Variants in ZBTB20 observed in about 807,000 individuals in gnomAD.
ZBTB20 encodes zinc finger and BTB domain-containing protein 20.
ZBTB20 carries 9 observed loss-of-function variants against 56.9 expected under a neutral mutation model. That is an observed-to-expected ratio of 0.16 (90% confidence interval 0.10 to 0.28). ZBTB20 has a LOEUF of 0.28. Among genes scored for constraint, ZBTB20 ranks in the 10% least tolerant of loss-of-function variants. The probability of loss-of-function intolerance (pLI) is 1.00; values close to 1 mark genes in which losing one functional copy is unlikely to be tolerated. For missense variants in ZBTB20, 655 were observed against 1,003.0 expected (o/e 0.65, Z 4.69); for synonymous variants, 417 against 420.7 (o/e 0.99, Z 0.11).
chr3:114,381,135 G>A (rs575470081), intron 8 of ZBTB20, among the ~76,000 whole-genome samples, 195 bp from the exon 9 acceptor site: 1 of 152,296 alleles, frequency 6.6e-6, no homozygotes, highest in South Asian at 2.1e-4. Flanking sequence ...TTCTGTTAGA[G>A]TAGCAAGTGA....
At chr3:115,074,090 CTAAT>C (rs1240652823) in intron 1 of ZBTB20, among the ~76,000 whole-genome samples, 1 of 152,026 alleles carries the variant, frequency 6.6e-6, no homozygotes, top group South Asian at 2.1e-4. Flanking sequence ...CCTAAATAAT[CTAAT>C]TATTTTCAGC....
intron 2 of ZBTB20, among the ~76,000 whole-genome samples, chr3:114,997,989 TA>T (rs1328133289): frequency 6.6e-6 from 1 of 151,928 alleles, no homozygotes; most frequent in African/African-American, 2.4e-5. Context: ...TGAAATCATT[TA>T]TTTTTTTAGG....
At chr3:115,058,565 C>T (rs142078717) in intron 2 of ZBTB20, among the ~76,000 whole-genome samples, 13,463 of 152,114 alleles carry the variant, frequency 0.089, 1,737 homozygotes, top group African/African-American at 0.28. Context: ...CCTGTCTCTA[C>T]TAGAAATACA....
chr3:114,489,214 C>A (rs542919169), intron 7 of ZBTB20, among the ~76,000 whole-genome samples: 1 of 152,038 alleles, frequency 6.6e-6, no homozygotes, highest in African/African-American at 2.4e-5. Flanking sequence ...AAGAACTTAC[C>A]TAAAACCTGC....
chr3:114,519,959 G>A (rs1183949110), intron 6 of ZBTB20: 2 of 151,944 alleles, frequency 1.3e-5, no homozygotes, highest in Non-Finnish European at 2.9e-5. Flanking sequence ...AACCTACTGA[G>A]GTTATAGGGG....
chr3:115,129,969 C>T (rs2084454913), intron 1 of ZBTB20, among the ~76,000 whole-genome samples: 2 of 149,048 alleles, frequency 1.3e-5, no homozygotes, highest in Admixed American at 1.3e-4. Context: ...TAATATCACA[C>T]ACACAGCTTC....
chr3:114,424,648 G>A (rs2733411), intron 7 of ZBTB20, among the ~76,000 whole-genome samples: 138,740 of 152,240 alleles, frequency 0.91, 64,625 homozygotes, highest in East Asian at 1. Context: ...CCCGTTTAAC[G>A]TGTCACAATT....
chr3:114,556,745 C>T lies in ZBTB20; in HGVS notation c.-294-56354G>A, dbSNP rs149288124. Among the ~76,000 whole-genome samples, 481 of 152,040 alleles carry T rather than the reference C, an allele frequency of 3.2e-3. 3 individuals are homozygous for T. Among genetic ancestry groups the T allele is most frequent in the African/African-American group, 0.011 (457 of 41,534 alleles). On this transcript the variant is annotated intron_variant, in intron 6 of 11. Transcript: ENST00000675478. ...ACAATATTCTGATTATTAGTATCTCCAAAGATGGGACTTAAGACACTTTCC... is the reference window on the plus strand; with the variant it reads ...ACAATATTCTGATTATTAGTATCTCTAAAGATGGGACTTAAGACACTTTCC...
At chr3:114,851,582 G>T (rs1258312508) in intron 4 of ZBTB20, among the ~76,000 whole-genome samples, 1 of 151,666 alleles carries the variant, frequency 6.6e-6, no homozygotes, top group Non-Finnish European at 1.5e-5. Context: ...TGTGATATTG[G>T]TTTGTTTATT....
intron 6 of ZBTB20, among the ~76,000 whole-genome samples, chr3:114,677,586 A>G (rs2061703614): frequency 6.6e-6 from 1 of 152,164 alleles, no homozygotes; most frequent in African/African-American, 2.4e-5. Flanking sequence ...GTCCATGGAA[A>G]CATTGTCTTC....
intron 6 of ZBTB20, among the ~76,000 whole-genome samples, chr3:114,501,771 C>T (rs983099857): frequency 2.1e-5 from 3 of 145,022 alleles, no homozygotes; most frequent in Non-Finnish European, 3.0e-5. Context: ...TGCAGTGGCA[C>T]GATCTTGGCT....
At chr3:114,438,420 A>AAC (rs1421153821) in intron 7 of ZBTB20, among the ~76,000 whole-genome samples, 3 of 123,070 alleles carry the variant, frequency 2.4e-5, no homozygotes, top group African/African-American at 9.1e-5. Context: ...CCTTGCCAAA[A>AAC]AAAAACAAAA....
intron 6 of ZBTB20, among the ~76,000 whole-genome samples, chr3:114,636,417 T>C (rs2059275492): frequency 6.6e-6 from 1 of 152,100 alleles, no homozygotes. Flanking sequence ...TGATAGTGTG[T>C]AAATCACTTT....
At chr3:114,935,316 T>C (rs374655323) in intron 3 of ZBTB20, among the ~76,000 whole-genome samples, 3 of 152,274 alleles carry the variant, frequency 2.0e-5, no homozygotes, top group East Asian at 1.9e-4. Context: ...TTCCCCACCA[T>C]GTTACCTTTA....
intron 4 of ZBTB20, among the ~76,000 whole-genome samples, chr3:114,811,979 A>G (rs2072555623): frequency 6.6e-6 from 1 of 151,778 alleles, no homozygotes. Context: ...TGATGTTCGG[A>G]TGTGTTCGGA....
At chr3:114,408,568 T>C (rs1015503881) in intron 7 of ZBTB20, among the ~76,000 whole-genome samples, 2 of 152,124 alleles carry the variant, frequency 1.3e-5, no homozygotes, top group Non-Finnish European at 2.9e-5. Flanking sequence ...TCAATGTTTT[T>C]AAATTCCATA....
rs193103509 is a variant in ZBTB20, at chr3:114,834,399, G to A, written c.-416-33225C>T. 3.4e-3 allele frequency among the ~76,000 whole-genome samples: 521 copies of A among 152,102 alleles called. 3 individuals are homozygous for A. The highest frequency in any genetic ancestry group is 0.012 in the African/African-American group (497 of 41,490). ...CATTTTACAGTACCCAAAGAAGACC[G>A]GAATTCAGCTGTTATCAGACAATAA... On this transcript the variant is annotated intron_variant, in intron 4 of 11. Transcript: ENST00000675478.
At chr3:114,541,291 A>T (rs2049086495) in intron 6 of ZBTB20, among the ~76,000 whole-genome samples, 1 of 152,126 alleles carries the variant, frequency 6.6e-6, no homozygotes, top group Non-Finnish European at 1.5e-5. Context: ...AAAGTCATGA[A>T]ATTTAAAATT....
chr3:114,728,053 T>C (rs2065435696), intron 5 of ZBTB20, among the ~76,000 whole-genome samples: 1 of 152,168 alleles, frequency 6.6e-6, no homozygotes, highest in Non-Finnish European at 1.5e-5. Context: ...CAATCAAATT[T>C]AATACCTGTT....
Sources: gnomAD v4.1 joint callset for allele counts (sites outside exome capture counted in the v4.1 genomes callset) on GRCh38, gnomAD v4.1.1 for gene constraint, MANE v1.5 for transcripts, NCBI Gene and HGNC (gene_info 2026-07-23, HGNC 2026-07-21) for gene names.